AFG1L: variants seen among roughly 807,000 people sequenced by gnomAD.
AFG1L encodes AFG1 like ATPase.
In AFG1L, 53 loss-of-function variants were observed where a neutral mutation model predicts 62.2. The ratio of observed to expected loss-of-function variants is 0.85; its 90% CI spans 0.68 to 1.07. The LOEUF is 1.07. Among genes scored for constraint, AFG1L ranks in the 50% least tolerant of loss-of-function variants. The pLI is 0.00. For missense variants in AFG1L, 555 were observed against 590.5 expected (o/e 0.94, Z 0.62); for synonymous variants, 228 against 210.3 (o/e 1.08, Z -0.73).
intron 10 of AFG1L, among the ~76,000 whole-genome samples, chr6:108,500,199 T>TGA (rs1774138263): frequency 6.6e-6 from 1 of 151,514 alleles, no homozygotes; most frequent in South Asian, 2.1e-4. Flanking sequence ...TGTGTGTGTG[T>TGA]GTGTGTGTGT....
At chr6:108,353,173 G>A (rs62427157) in intron 3 of AFG1L, among the ~76,000 whole-genome samples, 1 of 90,326 alleles carries the variant, frequency 1.1e-5, no homozygotes, top group Non-Finnish European at 2.3e-5. Flanking sequence ...TTTTTTTTTG[G>A]ACACAAAGTC....
At chr6:108,304,262 T>C (rs531051129) in intron 1 of AFG1L, among the ~76,000 whole-genome samples, 55 of 152,382 alleles carry the variant, frequency 3.6e-4, no homozygotes, top group African/African-American at 1.3e-3. Flanking sequence ...TCTTCTATTC[T>C]GTACTTTGTT....
intron 8 of AFG1L, among the ~76,000 whole-genome samples, chr6:108,473,604 C>T (rs962648505): frequency 6.6e-6 from 1 of 152,154 alleles, no homozygotes; most frequent in African/African-American, 2.4e-5. Flanking sequence ...GTTGCCCAAG[C>T]TGGAGTGCAA....
At chr6:108,466,466 A>G (rs1039514131) in intron 8 of AFG1L, among the ~76,000 whole-genome samples, 3 of 152,124 alleles carry the variant, frequency 2.0e-5, no homozygotes, top group Admixed American at 2.0e-4. Flanking sequence ...GTGGAACTAT[A>G]TTTGGAGATA....
At position 108,295,179 on chromosome 6, in the gene AFG1L, G is replaced by T. The variant is rs1273376585; in HGVS notation, c.100G>T (p.Ala34Ser). ...GTGCGGGGCCTGGGCCGCCGCTCTC[G>T]CTCCTCTGGCCACCGCCCCTGGGAA... is the stretch of plus-strand genomic sequence containing the variant. ...VGCGAWAAALAPLATAPGKPF... is the reference protein window; with the variant it reads ...VGCGAWAAALSPLATAPGKPF... Residue 34 changes from alanine to serine, a missense_variant, in exon 1 of 13, where the codon GCT (alanine) becomes TCT (serine). Ala to Ser is a moderately conservative substitution (Grantham distance 99). Transcript: ENST00000368977. The T allele has an allele frequency of 3.1e-6, 5 of 1,607,286 alleles. No individual in the cohort carries two copies. Among genetic ancestry groups the T allele is most frequent in the Admixed American group, 1.7e-5 (1 of 60,002 alleles).
intron 8 of AFG1L, among the ~76,000 whole-genome samples, chr6:108,472,089 C>G (rs1321687456): frequency 6.6e-6 from 1 of 152,066 alleles, no homozygotes; most frequent in African/African-American, 2.4e-5. Flanking sequence ...AAGCTAGATA[C>G]AGACAGAAAG....
At chr6:108,424,279 A>C (rs1288965770) in intron 7 of AFG1L, among the ~76,000 whole-genome samples, 2 of 152,092 alleles carry the variant, frequency 1.3e-5, no homozygotes, top group Admixed American at 6.6e-5. Flanking sequence ...ATTTATTTTC[A>C]AAAAGATTAA....
intron 2 of AFG1L, among the ~76,000 whole-genome samples, chr6:108,335,261 G>T (rs1778434437): frequency 6.9e-6 from 1 of 145,964 alleles, no homozygotes; most frequent in South Asian, 2.1e-4. Context: ...GTGAGCCACT[G>T]CCCCGGCTGG....
chr6:108,312,700 A>G (rs1777458666), intron 1 of AFG1L, among the ~76,000 whole-genome samples: 2 of 152,208 alleles, frequency 1.3e-5, no homozygotes, highest in East Asian at 1.9e-4. Context: ...TGTCAATACA[A>G]TTAAGCTTTA....
chr6:108,427,933 A>G (rs757673183), intron 7 of AFG1L, among the ~76,000 whole-genome samples: 2 of 152,194 alleles, frequency 1.3e-5, no homozygotes, highest in African/African-American at 2.4e-5. Flanking sequence ...TATAAAATAC[A>G]TTTCTAAAAA....
intron 7 of AFG1L, among the ~76,000 whole-genome samples, chr6:108,442,133 T>C (rs1417929511): frequency 6.6e-6 from 1 of 152,102 alleles, no homozygotes; most frequent in Non-Finnish European, 1.5e-5. Context: ...AGGGCAGGTT[T>C]TTCTCAGGGA....
At chr6:108,322,764 C>A (rs1218180684) in intron 1 of AFG1L, among the ~76,000 whole-genome samples, 1 of 152,196 alleles carries the variant, frequency 6.6e-6, no homozygotes, top group African/African-American at 2.4e-5. Context: ...AAAATGCTGG[C>A]AGAGTACCTT....
Position 108,355,742 on chromosome 6 carries a change from A to T in AFG1L, c.504A>T (p.Leu168=). 1 of 1,605,842 alleles carries T rather than the reference A, an allele frequency of 6.2e-7. No homozygotes were observed. The highest frequency in any genetic ancestry group is 8.5e-7 in the Non-Finnish European group (1 of 1,175,530). Residue 168 remains leucine (L), a synonymous_variant, in exon 4 of 13, where the codon CTA becomes CTT. Coordinates refer to ENST00000368977, the MANE Select transcript of AFG1L (RefSeq NM_145315.5). ...GGGTTCATTTTCATGGTTTCATGCTAGATGTGCACAAAAGTAAGCAATGAT... is the reference window on the plus strand; with the variant it reads ...GGGTTCATTTTCATGGTTTCATGCTTGATGTGCACAAAAGTAAGCAATGAT... ...KKRVHFHGFM[L]DVHKRIHRLK...
intron 7 of AFG1L, among the ~76,000 whole-genome samples, chr6:108,426,948 C>G (rs187131248): frequency 1.3e-4 from 20 of 152,012 alleles, no homozygotes; most frequent in African/African-American, 4.3e-4. Context: ...GCATACATAT[C>G]TATATATATG....
chr6:108,399,194 T>C (rs59649261), intron 6 of AFG1L, among the ~76,000 whole-genome samples: 1 of 128,382 alleles, frequency 7.8e-6, no homozygotes, highest in Non-Finnish European at 1.6e-5. Flanking sequence ...TTTTTTTTTT[T>C]TTTTTTTTTT....
At chr6:108,494,267 G>T (rs964577504) in intron 10 of AFG1L, among the ~76,000 whole-genome samples, 1 of 151,658 alleles carries the variant, frequency 6.6e-6, no homozygotes, top group Non-Finnish European at 1.5e-5. Flanking sequence ...CTTGTGTCTT[G>T]AGAAAATTGT....
chr6:108,443,862 A>C (rs1405935815), intron 7 of AFG1L, among the ~76,000 whole-genome samples: 9 of 152,074 alleles, frequency 5.9e-5, no homozygotes, highest in Non-Finnish European at 1.0e-4. Context: ...GCAACAGAGT[A>C]AGACTCTGTC....
chr6:108,479,642 G>A (rs1773254366), intron 10 of AFG1L, among the ~76,000 whole-genome samples: 1 of 152,106 alleles, frequency 6.6e-6, no homozygotes, highest in Non-Finnish European at 1.5e-5. Flanking sequence ...TGCATGAAGA[G>A]GACAATTGAA....
At chr6:108,295,297 T>A in intron 1 of AFG1L, 79 bp downstream of exon 1, 1 of 1,486,920 alleles carries the variant, frequency 6.7e-7, no homozygotes, top group Non-Finnish European at 9.0e-7. Context: ...CCCTGTCCGA[T>A]CTACCCCAGG....
Sources: allele counts gnomAD v4.1 joint callset (sites outside exome capture counted in the v4.1 genomes callset), GRCh38; gene constraint gnomAD v4.1.1; transcripts MANE v1.5; gene names NCBI Gene and HGNC (gene_info 2026-07-23, HGNC 2026-07-21).